IL1RAPL1: variants seen among roughly 807,000 people sequenced by gnomAD.
The protein encoded by IL1RAPL1 is interleukin 1 receptor accessory protein like 1.
In IL1RAPL1, 3 loss-of-function variants were observed where a neutral mutation model predicts 48.4. The ratio of observed to expected loss-of-function variants is 0.06; its 90% CI spans 0.03 to 0.16. IL1RAPL1 has a LOEUF of 0.16. IL1RAPL1 is among the 10% of genes least tolerant of loss of function. The pLI is 1.00. For missense variants in IL1RAPL1, 349 were observed against 530.6 expected (o/e 0.66, Z 3.36); for synonymous variants, 185 against 187.7 (o/e 0.99, Z 0.12).
At chrX:29,260,955 A>G (rs1018882007) in intron 2 of IL1RAPL1, among the ~76,000 whole-genome samples, 2 of 107,755 alleles carry the variant, frequency 1.9e-5, no homozygotes, top group Non-Finnish European at 1.9e-5. Flanking sequence ...CTGAACGAAT[A>G]AAATAATAAA....
chrX:29,794,749 C>T (rs1929707206), intron 6 of IL1RAPL1, among the ~76,000 whole-genome samples: 1 of 111,780 alleles, frequency 8.9e-6, no homozygotes, highest in African/African-American at 3.2e-5. Flanking sequence ...GGAGTTTAGA[C>T]CTAGACCTAG....
At chrX:29,061,788 C>T (rs993672454) in intron 2 of IL1RAPL1, among the ~76,000 whole-genome samples, 54 of 112,463 alleles carry the variant, frequency 4.8e-4, no homozygotes, top group Non-Finnish European at 1.5e-4. Context: ...TATAAACTAG[C>T]CTTTGGAAAA....
intron 2 of IL1RAPL1, among the ~76,000 whole-genome samples, chrX:29,094,094 C>A (rs1375966253): frequency 8.9e-6 from 1 of 112,065 alleles, no homozygotes; most frequent in Non-Finnish European, 1.9e-5. Flanking sequence ...CCACCTCATT[C>A]TCACAGTCTA....
At chrX:29,824,362 C>G (rs1324393067) in intron 6 of IL1RAPL1, among the ~76,000 whole-genome samples, 1 of 111,839 alleles carries the variant, frequency 8.9e-6, no homozygotes, top group Non-Finnish European at 1.9e-5. Context: ...TGTTGCCTTA[C>G]TAGAGTCTGA....
intron 3 of IL1RAPL1, among the ~76,000 whole-genome samples, chrX:29,337,076 C>T (rs947905517): frequency 9.0e-6 from 1 of 111,322 alleles, no homozygotes; most frequent in Non-Finnish European, 1.9e-5. Flanking sequence ...AAGTACTCAG[C>T]ATACAAAGGT....
intron 3 of IL1RAPL1, among the ~76,000 whole-genome samples, chrX:29,322,227 TTCTTTCTG>T (rs2080563453): frequency 1.8e-5 from 2 of 110,370 alleles, no homozygotes; most frequent in African/African-American, 3.3e-5. Context: ...CTTTCTGTCT[TTCTTTCTG>T]TCTTTCTGTC....
At chrX:29,920,794 C>CAAAAAAAAAAAAAAAAAAAA (rs1176529100) in intron 8 of IL1RAPL1, among the ~76,000 whole-genome samples, 12 of 31,617 alleles carry the variant, frequency 3.8e-4, no homozygotes, top group African/African-American at 7.6e-4. Flanking sequence ...GACCCTGTCT[C>CAAAAAAAAAAAAAAAAAAAA]AAAAAAAAAA....
At chrX:28,997,249 T>C (rs1925745888) in intron 2 of IL1RAPL1, among the ~76,000 whole-genome samples, 1 of 112,027 alleles carries the variant, frequency 8.9e-6, no homozygotes, top group African/African-American at 3.2e-5. Context: ...TTATTGGATA[T>C]GAACTTGTTT....
At chrX:29,252,287 A>T (rs909497728) in intron 2 of IL1RAPL1, among the ~76,000 whole-genome samples, 2 of 113,653 alleles carry the variant, frequency 1.8e-5, no homozygotes, top group Admixed American at 9.1e-5. Context: ...AAAAAAGAAA[A>T]AAAAAAAGAA....
At chrX:29,647,379 G>A (rs983720588) in intron 5 of IL1RAPL1, among the ~76,000 whole-genome samples, 15 of 109,268 alleles carry the variant, frequency 1.4e-4, no homozygotes, top group African/African-American at 5.0e-4. Context: ...CTCTAATACG[G>A]TAATGATGGC....
chrX:29,008,844 C>G (rs769765034), intron 2 of IL1RAPL1, among the ~76,000 whole-genome samples: 2 of 110,657 alleles, frequency 1.8e-5, no homozygotes, highest in African/African-American at 3.3e-5. Flanking sequence ...ACAATAGTCC[C>G]CAGTTTCTAT....
chrX:29,691,569 A>T (rs1200703055), intron 6 of IL1RAPL1, among the ~76,000 whole-genome samples: 1 of 111,423 alleles, frequency 9.0e-6, no homozygotes, highest in East Asian at 2.8e-4. Flanking sequence ...TATTAATGTA[A>T]TATGGAATTT....
At chrX:28,832,822 A>AT (rs199869467) in intron 2 of IL1RAPL1, among the ~76,000 whole-genome samples, 31,058 of 80,278 alleles carry the variant, frequency 0.39, 6,156 homozygotes, top group Middle Eastern at 0.59. Flanking sequence ...ATTTTTTTCA[A>AT]TTTTTTTTTT....
At chrX:29,589,339 T>C (rs1374750766) in intron 5 of IL1RAPL1, among the ~76,000 whole-genome samples, 1 of 112,037 alleles carries the variant, frequency 8.9e-6, no homozygotes, top group Non-Finnish European at 1.9e-5. Flanking sequence ...GAGCATCTTC[T>C]ATGTGTCAGT....
At chrX:28,670,539 T>C (rs1326718309) in intron 1 of IL1RAPL1, among the ~76,000 whole-genome samples, 7 of 111,661 alleles carry the variant, frequency 6.3e-5, no homozygotes, top group African/African-American at 2.3e-4. Context: ...AGTTAAGGAG[T>C]AATGCAATCA....
At chrX:28,805,641 T>A (rs981769976) in intron 2 of IL1RAPL1, among the ~76,000 whole-genome samples, 1 of 111,174 alleles carries the variant, frequency 9.0e-6, no homozygotes, top group African/African-American at 3.3e-5. Flanking sequence ...TACACACATA[T>A]GCACATGTAT....
intron 2 of IL1RAPL1, among the ~76,000 whole-genome samples, chrX:29,167,709 G>A (rs1396224830): frequency 9.1e-6 from 1 of 110,274 alleles, no homozygotes; most frequent in African/African-American, 3.3e-5. Context: ...TGGTATATAT[G>A]CCAGAAGCCA....
At chrX:28,815,438 T>G (rs955906472) in intron 2 of IL1RAPL1, among the ~76,000 whole-genome samples, 8 of 110,553 alleles carry the variant, frequency 7.2e-5, no homozygotes, top group African/African-American at 2.0e-4. Context: ...CCTTAAATAT[T>G]TATCCTTTCT....
chrX:28,630,789 A>G (rs1276286393), intron 1 of IL1RAPL1, among the ~76,000 whole-genome samples: 1 of 112,432 alleles, frequency 8.9e-6, no homozygotes, highest in Non-Finnish European at 1.9e-5. Flanking sequence ...GTGAAAATAT[A>G]CATCGATATA....
Sources: gnomAD v4.1 joint callset for allele counts (sites outside exome capture counted in the v4.1 genomes callset) on GRCh38, gnomAD v4.1.1 for gene constraint, MANE v1.5 for transcripts, NCBI Gene and HGNC (gene_info 2026-07-23, HGNC 2026-07-21) for gene names.